Variants in TMEM94 observed in about 807,000 individuals in gnomAD.
TMEM94 encodes the protein transmembrane protein 94, also known as ER Mg2+ ATPase.
Under a neutral mutation model 158.6 loss-of-function variants are expected in TMEM94, and 81 were observed. The observed-to-expected ratio is 0.51, with a 90% CI of 0.43 to 0.61. The LOEUF is 0.61. Ranked by LOEUF, TMEM94 falls within the 20% of genes least tolerant of loss-of-function variation. TMEM94 has a pLI of 0.00. For missense variants in TMEM94, 1,435 were observed against 1,762.0 expected, an observed-to-expected ratio of 0.81 and a Z score of 3.32; for synonymous variants, 751 against 730.7, an observed-to-expected ratio of 1.03 and a Z score of -0.45.
intron 1 of TMEM94, among the ~76,000 whole-genome samples, chr17:75,461,197 T>G (rs2050055884): frequency 6.7e-6 from 1 of 149,886 alleles, no homozygotes; most frequent in Non-Finnish European, 1.5e-5. Flanking sequence ...CCTCCCGAGT[T>G]CAAGCAATTC....
intron 1 of TMEM94, among the ~76,000 whole-genome samples, chr17:75,461,787 G>T (rs560874929): frequency 6.6e-6 from 1 of 151,208 alleles, no homozygotes; most frequent in African/African-American, 2.4e-5. Flanking sequence ...GGTGGCGGGC[G>T]CCTGCAGTCC....
In TMEM94 at chr17:75,495,409, C is replaced by T. The variant is rs770138226; in HGVS notation, c.2844+10C>T. The T allele has an allele frequency of 6.2e-7, 1 of 1,608,880 alleles. No homozygotes were observed. Among genetic ancestry groups the T allele is most frequent in the Non-Finnish European group, 8.5e-7 (1 of 1,175,606 alleles). On this transcript the variant is annotated intron_variant, in intron 21 of 31. Coordinates refer to ENST00000314256, the MANE Select transcript of TMEM94 (RefSeq NM_014738.6). The surrounding 1 kb of genome is among the most constrained non-coding windows in gnomAD (Gnocchi z 5.6). ...GGAGGACTCCAACCGGGTACGATGG[C>T]AGGATCTGTCTCACGTGTTCCTGTA...
Position 75,498,242 on chromosome 17 carries a change from G to A in TMEM94, c.3557G>A (p.Cys1186Tyr), listed in dbSNP as rs1225007194. 2.5e-6 allele frequency: 4 copies of A among 1,613,674 alleles called. No homozygotes were observed. Among genetic ancestry groups the A allele is most frequent in the Admixed American group, 3.3e-5 (2 of 59,994 alleles). The change falls in exon 28 of 32, where the codon TGC (cysteine) becomes TAC (tyrosine). Residue 1186 changes from cysteine to tyrosine, a missense_variant. By Grantham distance (194) the Cys-to-Tyr change is radical. This residue lies in a region of TMEM94 where 335 missense variants were observed against 409.1 expected (regional missense o/e 0.82). Transcript: ENST00000314256. The surrounding 1 kb of genome is among the most constrained non-coding windows in gnomAD (Gnocchi z 6.7). ...FSLTISSCLI[C>Y]FGFTLQSFCD... is the part of the protein sequence containing the mutation. ...CTCACCATCAGCTCCTGCCTCATCT[G>A]CTTTGGCTTCACACTGCAGAGCTTC...
chr17:75,485,540 C>T lies in TMEM94; in HGVS notation c.137C>T (p.Thr46Met), dbSNP rs753972557. ...GHLRERKKCL[T>M]WKEVWRSSFL... ...CTCAGGGAGCGGAAGAAGTGTCTGA[C>T]GTGGAAGGTGAAGCTTCTTCTCGGG... The change falls in exon 3 of 32, where the codon ACG (threonine) becomes ATG (methionine). Residue 46 changes from threonine to methionine, a missense_variant. Coordinates refer to ENST00000314256, the MANE Select transcript of TMEM94 (RefSeq NM_014738.6). This position sits in a 1 kb window ranked among gnomAD's most constrained non-coding sequence, Gnocchi z 5.5. 27 of 1,614,012 alleles carry T rather than the reference C, an allele frequency of 1.7e-5. No individual in the cohort carries two copies. The highest frequency in any genetic ancestry group is 6.7e-5 in the Admixed American group (4 of 60,002).
rs2052994095 is a variant in TMEM94 at position 75,498,697 on chromosome 17, T to C, written c.3802T>C (p.Trp1268Arg). The part of the protein sequence containing the change: ...LWRKSPLTNL[W>R]WAVTVPVVLL... ...GAGAAAGAGCCCCTTGACCAACCTC[T>C]GGTGGGCCGTGACAGTGCCTGTGGT... is the stretch of plus-strand genomic sequence containing the variant. The change falls in exon 30 of 32, where the codon TGG becomes CGG. Residue 1268 changes from tryptophan (W) to arginine (R), a missense_variant. By Grantham distance (101) the Trp-to-Arg change is moderately radical (BLOSUM62 -3). This residue lies in a region of TMEM94 where 335 missense variants were observed against 409.1 expected (regional missense o/e 0.82). Transcript: ENST00000314256. This position sits in a 1 kb window ranked among gnomAD's most constrained non-coding sequence, Gnocchi z 6.7. 1.3e-6 allele frequency: 2 copies of C among 1,577,876 alleles called. No individual in the cohort carries two copies. The highest frequency in any genetic ancestry group is 1.7e-6 in the Non-Finnish European group (2 of 1,160,584).
intron 1 of TMEM94, among the ~76,000 whole-genome samples, chr17:75,458,824 G>C (rs2049972836): frequency 6.6e-6 from 1 of 152,130 alleles, no homozygotes; most frequent in African/African-American, 2.4e-5. Flanking sequence ...TTGGGAGGCA[G>C]AGGCAGGCGG....
chr17:75,494,285 C>T (rs762872182), intron 18 of TMEM94, among the ~76,000 whole-genome samples: 1 of 152,166 alleles, frequency 6.6e-6, no homozygotes, highest in Non-Finnish European at 1.5e-5. Context: ...CCCAGAAGCT[C>T]CACCACGCCA....
intron 2 of TMEM94, 168 bp downstream of exon 2, chr17:75,472,097 A>G (rs989561776): frequency 4.7e-6 from 3 of 640,924 alleles, no homozygotes; most frequent in African/African-American, 3.6e-5. Flanking sequence ...TTGGCTGGAA[A>G]GCACAGACTC....
intron 2 of TMEM94, among the ~76,000 whole-genome samples, chr17:75,479,956 A>G (rs1357808090): frequency 6.6e-6 from 1 of 151,864 alleles, no homozygotes; most frequent in African/African-American, 2.4e-5. Flanking sequence ...GCTTGGTGGT[A>G]CACATCTGTG....
Position 75,488,747 on chromosome 17 carries a change from T to C in TMEM94, c.613-12T>C, listed in dbSNP as rs1371939301. ...ACCCTCTCGTTCCCACTCTCCCACT[T>C]GCTGCCGGCAGGATGACGAGCACAT... On this transcript the variant is annotated splice_polypyrimidine_tract_variant and intron_variant, in intron 6 of 31. Transcript: ENST00000314256. 1 of 1,613,752 alleles carries C rather than the reference T, an allele frequency of 6.2e-7. No homozygotes were observed. Among genetic ancestry groups the C allele is most frequent in the Admixed American group, 1.7e-5 (1 of 59,942 alleles).
At position 75,498,816 on chromosome 17, in the gene TMEM94, T is replaced by C. The variant is rs2053013363; in HGVS notation, c.3827+94T>C. 2 of 1,522,930 alleles carry C rather than the reference T, an allele frequency of 1.3e-6. No individual in the cohort carries two copies. The highest frequency in any genetic ancestry group is 1.8e-6 in the Non-Finnish European group (2 of 1,134,134). 94.3% of individuals were successfully genotyped at this position (1,522,930 alleles called of 1,614,324 possible). A position where few individuals can be genotyped will look rare whatever the true frequency, so the allele number is the denominator to read the frequency against. On this transcript the variant is annotated intron_variant, in intron 30 of 31. Transcript: ENST00000314256. The surrounding 1 kb of genome is among the most constrained non-coding windows in gnomAD (Gnocchi z 6.7). ...CGGAGGGCGGGACCGGGGCCAGTGG[T>C]TTAACTGTACCCTGCCTGAGCTAAC...
At position 75,493,772 on chromosome 17, in the gene TMEM94, A is replaced by T; in HGVS notation, c.2263A>T (p.Asn755Tyr). The T allele has an allele frequency of 6.2e-7, 1 of 1,614,100 alleles. No homozygotes were observed. Among genetic ancestry groups the T allele is most frequent in the Non-Finnish European group, 8.5e-7 (1 of 1,180,040 alleles). The stretch of plus-strand genomic sequence containing the variant: ...CTCTGCCTTCGCCTACAAGCCCATG[A>T]ACTGCGCCCTGTCCTCTCAGCTCAA... Reference protein sequence around the residue: ...YCSAFAYKPMNCALSSQLNGK... With the variant: ...YCSAFAYKPMYCALSSQLNGK... Residue 755 changes from asparagine (N) to tyrosine (Y), a missense_variant, in exon 18 of 32, where the codon AAC becomes TAC. By Grantham distance (143) the Asn-to-Tyr change is moderately radical. Transcript: ENST00000314256.
intron 1 of TMEM94, among the ~76,000 whole-genome samples, chr17:75,462,526 A>G (rs1363788571): frequency 2.6e-5 from 4 of 151,404 alleles, no homozygotes; most frequent in Non-Finnish European, 5.9e-5. Flanking sequence ...TTCACAGGGC[A>G]GCCTATTCCA....
At chr17:75,475,994 C>T (rs1356089479) in intron 2 of TMEM94, among the ~76,000 whole-genome samples, 1 of 152,218 alleles carries the variant, frequency 6.6e-6, no homozygotes, top group Non-Finnish European at 1.5e-5. Context: ...CCCCTCCACA[C>T]AGGATGTGCT....
rs776689900 is a variant in TMEM94 at position 75,490,744 on chromosome 17, G to A, written c.1114G>A (p.Ala372Thr). ...SEDTLSSYTE[A>T]VSSQEMLRCI... is the part of the protein sequence containing the mutation. ...GGATACTCTCAGCAGCTATACGGAG[G>A]CTGTCTCCTCTCAGGTACAACACTG... The change falls in exon 11 of 32, where the codon GCT (alanine) becomes ACT (threonine). Residue 372 changes from alanine to threonine, a missense_variant. Transcript: ENST00000314256. 4 of 1,614,062 alleles carry A rather than the reference G, an allele frequency of 2.5e-6. No homozygotes were observed. The highest frequency in any genetic ancestry group is 3.4e-6 in the Non-Finnish European group (4 of 1,179,926).
intron 16 of TMEM94, 190 bp from the exon 17 acceptor site, chr17:75,493,301 G>T: frequency 1.2e-6 from 1 of 831,996 alleles, no homozygotes. Flanking sequence ...ATTGTCCAAA[G>T]GATGGGAATA....
Position 75,499,626 on chromosome 17 carries a change from C to T in TMEM94, c.*292C>T, listed in dbSNP as rs972477325. ...CCTAGAGGGGCCCTAAACCCCCTCA[C>T]CTGTGAGCTACCCCCTTTAGGGATC... On this transcript the variant is annotated 3_prime_UTR_variant, in exon 32 of 32. Transcript: ENST00000314256. 2.3e-6 allele frequency: 1 copy of T among 430,508 alleles called. No individual in the cohort carries two copies. The highest frequency in any genetic ancestry group is 2.0e-5 in the African/African-American group (1 of 50,116). The allele number at this position is 430,508 out of a possible 1,614,324, so 26.7% of individuals were successfully genotyped here. A position where few individuals can be genotyped will look rare whatever the true frequency, so the allele number is the denominator to read the frequency against.
chr17:75,490,966 C>T, intron 11 of TMEM94, 83 bp from the exon 12 acceptor site: 5 of 1,190,306 alleles, frequency 4.2e-6, no homozygotes, highest in Admixed American at 4.2e-5. Flanking sequence ...CGTGGTGCTC[C>T]CCTGGATTTT....
chr17:75,467,471 A>G (rs1230738376), intron 1 of TMEM94, among the ~76,000 whole-genome samples: 1 of 151,190 alleles, frequency 6.6e-6, no homozygotes, highest in Non-Finnish European at 1.5e-5. Flanking sequence ...TCTGCAAATA[A>G]GACAGTTTCA....
Sources: allele counts gnomAD v4.1 joint callset (sites outside exome capture counted in the v4.1 genomes callset), GRCh38; gene constraint gnomAD v4.1.1; regional missense constraint gnomAD v4.1.1; non-coding constraint Gnocchi (gnomAD v3.1); transcripts MANE v1.5; gene names NCBI Gene and HGNC (gene_info 2026-07-23, HGNC 2026-07-21).